The following IFTAP variants were observed in gnomAD, a reference collection of about 807,000 sequenced individuals.
IFTAP encodes intraflagellar transport-associated protein.
IFTAP carries 19 observed loss-of-function variants against 19.4 expected under a neutral mutation model. The ratio of observed to expected loss-of-function variants is 0.98; its 90% confidence interval spans 0.68 to 1.44. The LOEUF is 1.44. Ranked by LOEUF, IFTAP falls within the 40% of genes most tolerant of loss-of-function variation. IFTAP has a pLI of 0.00. For missense variants in IFTAP, 240 were observed against 253.6 expected (o/e 0.95, Z 0.36); for synonymous variants, 85 against 83.5 (o/e 1.02, Z -0.10).
intron 1 of IFTAP, among the ~76,000 whole-genome samples, chr11:36,604,978 C>T (rs917920201): frequency 1.3e-5 from 2 of 150,974 alleles, no homozygotes; most frequent in African/African-American, 2.4e-5. Flanking sequence ...GAAATCAGTT[C>T]ATACTAGATC....
chr11:36,629,241 T>C (rs1852637738), intron 2 of IFTAP, among the ~76,000 whole-genome samples: 1 of 151,132 alleles, frequency 6.6e-6, no homozygotes, highest in African/African-American at 2.5e-5. Context: ...CACCCTGACT[T>C]TCAGAGTACC....
At chr11:36,629,237 G>C (rs577388410) in intron 2 of IFTAP, among the ~76,000 whole-genome samples, 1 of 151,238 alleles carries the variant, frequency 6.6e-6, no homozygotes, top group Non-Finnish European at 1.5e-5. Flanking sequence ...ATCACACCCT[G>C]ACTTTCAGAG....
intron 1 of IFTAP, among the ~76,000 whole-genome samples, chr11:36,596,225 T>TTG (rs1564999442): frequency 6.7e-6 from 1 of 149,946 alleles, no homozygotes; most frequent in African/African-American, 2.4e-5. Flanking sequence ...TTTTTTTGTT[T>TTG]TTTTTTTTTT....
chr11:36,599,704 C>G (rs1029933929), intron 1 of IFTAP, among the ~76,000 whole-genome samples: 1 of 151,902 alleles, frequency 6.6e-6, no homozygotes, highest in Non-Finnish European at 1.5e-5. Context: ...TTTGAAATGT[C>G]GATCCATCCT....
At chr11:36,657,936 A>G (rs928485010) in intron 5 of IFTAP, among the ~76,000 whole-genome samples, 15 of 152,224 alleles carry the variant, frequency 9.9e-5, no homozygotes, top group African/African-American at 3.4e-4. Flanking sequence ...AAGATGATAA[A>G]TGGCTGAGCG....
chr11:36,616,350 A>G (rs1852089240), intron 2 of IFTAP, among the ~76,000 whole-genome samples: 1 of 151,888 alleles, frequency 6.6e-6, no homozygotes, highest in Non-Finnish European at 1.5e-5. Context: ...TTTCACTTGC[A>G]ATGCTTTGTG....
At chr11:36,604,383 A>G (rs1851617762) in intron 1 of IFTAP, among the ~76,000 whole-genome samples, 1 of 152,240 alleles carries the variant, frequency 6.6e-6, no homozygotes, top group Non-Finnish European at 1.5e-5. Flanking sequence ...CTTGAAGTGC[A>G]GCGTATACCT....
chr11:36,613,239 G>A (rs11033712), intron 2 of IFTAP, among the ~76,000 whole-genome samples: 23,333 of 151,848 alleles, frequency 0.15, 2,575 homozygotes, highest in African/African-American at 0.31. Flanking sequence ...AATCTTTTGT[G>A]TCTCAGTTTC....
At chr11:36,612,199 G>T (rs1410279163) in intron 2 of IFTAP, among the ~76,000 whole-genome samples, 1 of 151,772 alleles carries the variant, frequency 6.6e-6, no homozygotes, top group Non-Finnish European at 1.5e-5. Flanking sequence ...ACTTCATTTT[G>T]GGTTCAGTTT....
intron 4 of IFTAP, among the ~76,000 whole-genome samples, chr11:36,644,722 C>T (rs917112705): frequency 6.6e-6 from 1 of 151,826 alleles, no homozygotes; most frequent in Non-Finnish European, 1.5e-5. Flanking sequence ...AGCTGGAAAC[C>T]ATCATTCTCA....
intron 4 of IFTAP, among the ~76,000 whole-genome samples, chr11:36,644,571 T>A (rs1853390261): frequency 2.0e-5 from 3 of 152,114 alleles, no homozygotes; most frequent in Non-Finnish European, 2.9e-5. Context: ...GTGGCACTAT[T>A]CACAATAGCA....
rs192734312 is a variant in IFTAP at position 36,636,946 on chromosome 11, A to T, written c.358+829A>T. 5.4e-5 allele frequency among the ~76,000 whole-genome samples: 8 copies of T among 148,954 alleles called. No homozygotes were observed. The East Asian group carries it at 1.6e-3, about 29-fold the overall frequency. ...AAGTTTTTTTTTTTTTTTTTTAAAC[A>T]CTCATTCCTGATTTAACATGCAAGA... On this transcript the variant is annotated intron_variant, in intron 4 of 5. Transcript: ENST00000334307.
intron 1 of IFTAP, chr11:36,598,321 G>T (rs1324720756): frequency 1.3e-5 from 2 of 152,052 alleles, no homozygotes; most frequent in Non-Finnish European, 2.9e-5. Flanking sequence ...TTCTTTAGAT[G>T]GTTGAGGGAG....
intron 2 of IFTAP, among the ~76,000 whole-genome samples, chr11:36,620,089 C>T (rs948583637): frequency 2.6e-5 from 4 of 151,778 alleles, no homozygotes; most frequent in African/African-American, 9.7e-5. Context: ...AGTAAGGAAG[C>T]GGTGTTATTT....
intron 1 of IFTAP, among the ~76,000 whole-genome samples, chr11:36,607,018 A>C (rs1191826324): frequency 6.6e-6 from 1 of 152,212 alleles, no homozygotes; most frequent in Non-Finnish European, 1.5e-5. Context: ...TAATTTTTTC[A>C]GGTACAAATA....
intron 1 of IFTAP, among the ~76,000 whole-genome samples, chr11:36,603,853 T>C (rs1277641327): frequency 6.7e-6 from 1 of 150,194 alleles, no homozygotes; most frequent in African/African-American, 2.5e-5. Flanking sequence ...ACCCAGGAAG[T>C]AGAGGCTGCA....
chr11:36,649,863 C>T (rs1357680578), intron 5 of IFTAP, among the ~76,000 whole-genome samples: 1 of 152,014 alleles, frequency 6.6e-6, no homozygotes, highest in African/African-American at 2.4e-5. Flanking sequence ...CTTTTCACAA[C>T]CGTCTAGAAT....
intron 5 of IFTAP, among the ~76,000 whole-genome samples, chr11:36,653,350 A>G (rs1319936723): frequency 2.6e-5 from 4 of 152,170 alleles, no homozygotes; most frequent in Non-Finnish European, 4.4e-5. Context: ...TTTCAATTAG[A>G]TTTGAAATTA....
chr11:36,627,096 A>G (rs997703180), intron 2 of IFTAP, among the ~76,000 whole-genome samples: 8 of 151,342 alleles, frequency 5.3e-5, no homozygotes, highest in African/African-American at 2.0e-4. Context: ...AAGACCACAT[A>G]TCATATGATT....
Sources: gnomAD v4.1 joint callset for allele counts (sites outside exome capture counted in the v4.1 genomes callset) on GRCh38, gnomAD v4.1.1 for gene constraint, MANE v1.5 for transcripts, NCBI Gene and HGNC (gene_info 2026-07-23, HGNC 2026-07-21) for gene names.